Variants in CCSER1 observed in about 807,000 individuals in gnomAD.
CCSER1 encodes the protein serine-rich coiled-coil domain-containing protein 1.
CCSER1 carries 41 observed loss-of-function variants against 82.0 expected under a neutral mutation model. That is an observed-to-expected ratio of 0.50 (90% CI 0.39 to 0.65). The LOEUF is 0.65. Among genes scored for constraint, CCSER1 ranks in the 30% least tolerant of loss-of-function variants. The pLI, the probability that CCSER1 is intolerant of heterozygous loss-of-function variation, is 0.00. For missense variants in CCSER1, 1,119 were observed against 1,064.2 expected (o/e 1.05, Z -0.72); for synonymous variants, 414 against 383.9 (o/e 1.08, Z -0.92).
At chr4:90,421,180 G>A (rs1756637672) in intron 4 of CCSER1, among the ~76,000 whole-genome samples, 1 of 152,076 alleles carries the variant, frequency 6.6e-6, no homozygotes, top group Non-Finnish European at 1.5e-5. Context: ...AACAAATTAG[G>A]TTGCAATTGT....
chr4:91,491,974 G>A (rs534995192), intron 10 of CCSER1, among the ~76,000 whole-genome samples: 27 of 146,634 alleles, frequency 1.8e-4, no homozygotes, highest in African/African-American at 6.3e-4. Context: ...TTTGCAATGC[G>A]GCAATGTATC....
chr4:90,190,106 T>G (rs1388613585), intron 1 of CCSER1, among the ~76,000 whole-genome samples: 1 of 152,032 alleles, frequency 6.6e-6, no homozygotes, highest in Non-Finnish European at 1.5e-5. Context: ...CTCTGAGGCG[T>G]GATAACTACA....
intron 10 of CCSER1, among the ~76,000 whole-genome samples, chr4:91,291,904 G>A (rs1385104704): frequency 6.6e-6 from 1 of 152,038 alleles, no homozygotes. Flanking sequence ...ATTATTGAAA[G>A]ATTAATTGGT....
chr4:90,731,170 T>C (rs1744660735), intron 7 of CCSER1, among the ~76,000 whole-genome samples: 1 of 152,206 alleles, frequency 6.6e-6, no homozygotes, highest in Non-Finnish European at 1.5e-5. Context: ...TGTTAATATA[T>C]TGTATGTAGA....
chr4:91,574,422 T>A (rs187283755), intron 10 of CCSER1, among the ~76,000 whole-genome samples: 1 of 152,172 alleles, frequency 6.6e-6, no homozygotes, highest in African/African-American at 2.4e-5. Context: ...AAAATCATTC[T>A]ACCAAAAAAA....
At chr4:90,924,011 T>C (rs373843217) in intron 9 of CCSER1, among the ~76,000 whole-genome samples, 1 of 152,282 alleles carries the variant, frequency 6.6e-6, no homozygotes, top group East Asian at 1.9e-4. Flanking sequence ...CAGTATTACA[T>C]CTAGTAACAC....
At chr4:91,582,776 G>A (rs1763795501) in intron 10 of CCSER1, among the ~76,000 whole-genome samples, 1 of 151,198 alleles carries the variant, frequency 6.6e-6, no homozygotes, top group Admixed American at 6.6e-5. Flanking sequence ...TTTACCTTAG[G>A]GAAACATTCA....
intron 1 of CCSER1, among the ~76,000 whole-genome samples, chr4:90,223,271 A>G (rs188894740): frequency 2.0e-3 from 304 of 152,256 alleles, no homozygotes; most frequent in Non-Finnish European, 1.9e-3. Flanking sequence ...TTTTTTCACT[A>G]TGGATTTTTG....
chr4:90,381,874 A>T (rs1749264490), intron 3 of CCSER1, among the ~76,000 whole-genome samples: 1 of 151,984 alleles, frequency 6.6e-6, no homozygotes, highest in African/African-American at 2.4e-5. Context: ...ACCTTCAATA[A>T]TTATTTTTTA....
chr4:91,594,746 TAGAAAC>T (rs1371849113), intron 10 of CCSER1, among the ~76,000 whole-genome samples: 6 of 152,056 alleles, frequency 3.9e-5, no homozygotes, highest in Non-Finnish European at 2.9e-5. Context: ...TGAGTGGACT[TAGAAAC>T]TGAAGCCCAG....
At chr4:91,532,180 C>A (rs1326094860) in intron 10 of CCSER1, among the ~76,000 whole-genome samples, 3 of 152,162 alleles carry the variant, frequency 2.0e-5, no homozygotes, top group Admixed American at 2.0e-4. Flanking sequence ...TATCACTGGT[C>A]TTCATATTGA....
intron 10 of CCSER1, among the ~76,000 whole-genome samples, chr4:91,089,803 A>C (rs897755422): frequency 2.0e-5 from 3 of 152,182 alleles, no homozygotes; most frequent in Non-Finnish European, 4.4e-5. Context: ...GCATGGGTAC[A>C]TGTGCCAGTT....
chr4:91,033,753 T>G (rs1298286066), intron 9 of CCSER1, among the ~76,000 whole-genome samples: 2 of 152,136 alleles, frequency 1.3e-5, no homozygotes, highest in East Asian at 3.9e-4. Context: ...TAAAGCTTCT[T>G]CATCAGTAGG....
At chr4:91,233,851 C>T (rs934883139) in intron 10 of CCSER1, among the ~76,000 whole-genome samples, 3 of 151,284 alleles carry the variant, frequency 2.0e-5, no homozygotes, top group Admixed American at 1.3e-4. Flanking sequence ...CAACTACAAA[C>T]GAATAAAAAA....
chr4:90,181,685 A>T (rs1560755225), intron 1 of CCSER1, among the ~76,000 whole-genome samples: 1 of 152,164 alleles, frequency 6.6e-6, no homozygotes, highest in African/African-American at 2.4e-5. Context: ...CAACTTTTTG[A>T]TTAAAAAATT....
chr4:90,255,662 T>C (rs1044821154), intron 1 of CCSER1, among the ~76,000 whole-genome samples: 2 of 152,106 alleles, frequency 1.3e-5, no homozygotes, highest in Admixed American at 1.3e-4. Flanking sequence ...GATTACAGAA[T>C]AGATATCTAG....
intron 1 of CCSER1, among the ~76,000 whole-genome samples, chr4:90,214,524 T>A (rs183887368): frequency 6.6e-6 from 1 of 152,296 alleles, no homozygotes; most frequent in East Asian, 1.9e-4. Flanking sequence ...GAATTAACTG[T>A]GAATTTCTCA....
intron 10 of CCSER1, among the ~76,000 whole-genome samples, chr4:91,461,206 A>G (rs1756481193): frequency 6.6e-6 from 1 of 152,228 alleles, no homozygotes; most frequent in African/African-American, 2.4e-5. Context: ...TTAGCACTCC[A>G]CAATGACAAT....
chr4:90,951,925 G>T lies in CCSER1; in HGVS notation c.2172+28478G>T, dbSNP rs189390102. ...TAGGCTAATTCTCTAGGGATTTTCT[G>T]AATGTTAATTTTACACGCACACACA... is the stretch of plus-strand genomic sequence containing the variant. On this transcript the variant is annotated intron_variant, in intron 9 of 10. Coordinates refer to ENST00000509176, the MANE Select transcript of CCSER1 (RefSeq NM_001145065.2). Among the ~76,000 whole-genome samples the T allele has an allele frequency of 3.6e-3, 553 of 151,754 alleles. 5 individuals carry two copies. The highest frequency in any genetic ancestry group is 0.032 in the South Asian group (152 of 4,818).
Sources: allele counts gnomAD v4.1 joint callset (sites outside exome capture counted in the v4.1 genomes callset), GRCh38; gene constraint gnomAD v4.1.1; transcripts MANE v1.5; gene names NCBI Gene and HGNC (gene_info 2026-07-23, HGNC 2026-07-21).